CADPS: variants seen among roughly 807,000 people sequenced by gnomAD.
CADPS encodes the protein calcium-dependent secretion activator 1.
Under a neutral mutation model 167.3 loss-of-function variants are expected in CADPS, and 57 were observed. The observed-to-expected ratio is 0.34, with a 90% confidence interval of 0.28 to 0.42. The LOEUF is 0.42. Among genes scored for constraint, CADPS ranks in the 20% least tolerant of loss-of-function variants. The probability of loss-of-function intolerance (pLI) is 1.00; values close to 1 mark genes in which losing one functional copy is unlikely to be tolerated. For synonymous variants in CADPS, 676 were observed against 635.3 expected (o/e 1.06, Z -0.96); for missense variants, 1,414 against 1,738.1 (o/e 0.81, Z 3.32).
At chr3:62,603,409 C>T (rs1332581739) in intron 6 of CADPS, among the ~76,000 whole-genome samples, 4 of 152,194 alleles carry the variant, frequency 2.6e-5, no homozygotes, top group African/African-American at 9.7e-5. Context: ...TTGTTATATT[C>T]CAGTTGTTTA....
At chr3:62,583,480 T>C (rs1406391161) in intron 8 of CADPS, among the ~76,000 whole-genome samples, 1 of 152,128 alleles carries the variant, frequency 6.6e-6, no homozygotes, top group Non-Finnish European at 1.5e-5. Context: ...GAAGAAAACC[T>C]GGTTGTACTT....
chr3:62,801,764 G>T (rs995437796), intron 1 of CADPS, among the ~76,000 whole-genome samples: 1 of 150,834 alleles, frequency 6.6e-6, no homozygotes, highest in Non-Finnish European at 1.5e-5. Context: ...TAAAAAAAAA[G>T]GCCCAGCTGA....
intron 6 of CADPS, among the ~76,000 whole-genome samples, chr3:62,617,948 C>T (rs1342828782): frequency 6.6e-6 from 1 of 152,124 alleles, no homozygotes; most frequent in Non-Finnish European, 1.5e-5. Flanking sequence ...TTTGGGACTA[C>T]CTCTCCTTGA....
intron 21 of CADPS, among the ~76,000 whole-genome samples, chr3:62,482,367 A>T (rs1445482762): frequency 6.6e-6 from 1 of 152,204 alleles, no homozygotes; most frequent in Non-Finnish European, 1.5e-5. Flanking sequence ...AAGTTCACCC[A>T]CTTGGAGGCA....
intron 27 of CADPS, among the ~76,000 whole-genome samples, chr3:62,444,362 C>T (rs2056864943): frequency 6.6e-6 from 1 of 152,140 alleles, no homozygotes; most frequent in Non-Finnish European, 1.5e-5. Flanking sequence ...CTAATAAGTG[C>T]CAGGTATGGT....
At position 62,455,085 on chromosome 3, in the gene CADPS, G is replaced by T. The variant is rs939703164; in HGVS notation, c.3637-9288C>A. Reference sequence around the variant, plus strand: ...CATCTCCTGTTGTTCAGGGTACTGTGCTCCGAGACTAGATCCAGGAAGTGT... The same window carrying T: ...CATCTCCTGTTGTTCAGGGTACTGTTCTCCGAGACTAGATCCAGGAAGTGT... On this transcript the variant is annotated intron_variant, in intron 26 of 29. Coordinates refer to ENST00000383710, the MANE Select transcript of CADPS (RefSeq NM_003716.4). The surrounding 1 kb of genome is among the most constrained non-coding windows in gnomAD (Gnocchi z 4.4). Among the ~76,000 whole-genome samples, 4 of 151,860 alleles carry T rather than the reference G, an allele frequency of 2.6e-5. No homozygotes were observed. Among genetic ancestry groups the T allele is most frequent in the African/African-American group, 7.3e-5 (3 of 41,338 alleles).
chr3:62,626,388 C>A, intron 6 of CADPS: 1 of 556,788 alleles, frequency 1.8e-6, no homozygotes, highest in South Asian at 2.4e-5. Flanking sequence ...GAAAAACACC[C>A]AAAAGGATGA....
chr3:62,803,958 A>C (rs11130900), intron 1 of CADPS, among the ~76,000 whole-genome samples: 108,012 of 151,720 alleles, frequency 0.71, 39,714 homozygotes, highest in East Asian at 0.98. Flanking sequence ...CCTTTCCCAC[A>C]TTTCTTTTGG....
Position 62,545,290 on chromosome 3 carries a change from C to T in CADPS, c.1966+4613G>A, listed in dbSNP as rs1261124271. Among the ~76,000 whole-genome samples, 4 of 152,180 alleles carry T rather than the reference C, an allele frequency of 2.6e-5. No homozygotes were observed. The East Asian group carries it at 7.7e-4, about 29-fold the overall frequency. On this transcript the variant is annotated intron_variant, in intron 11 of 29. Coordinates refer to ENST00000383710, the MANE Select transcript of CADPS (RefSeq NM_003716.4). The stretch of plus-strand genomic sequence containing the variant: ...TGAGGTACTAATTTTTACTGTTCCA[C>T]TAACACATAATGGACAGGGGATAAG...
intron 26 of CADPS, among the ~76,000 whole-genome samples, chr3:62,453,683 T>C (rs1040283952): frequency 6.6e-6 from 1 of 152,224 alleles, no homozygotes; most frequent in Non-Finnish European, 1.5e-5. Flanking sequence ...GGCTTCTGCC[T>C]GGGGCCAAGT....
intron 1 of CADPS, among the ~76,000 whole-genome samples, chr3:62,826,542 G>A (rs2074070908): frequency 1.3e-5 from 2 of 152,090 alleles, no homozygotes; most frequent in African/African-American, 4.8e-5. Flanking sequence ...TGGTAAGAAG[G>A]GCAGAAAGTG....
At chr3:62,850,639 T>C (rs911496359) in intron 1 of CADPS, among the ~76,000 whole-genome samples, 1 of 150,106 alleles carries the variant, frequency 6.7e-6, no homozygotes, top group Non-Finnish European at 1.5e-5. Flanking sequence ...GTCTGAGAGA[T>C]AGTTTGTTAT....
chr3:62,516,336 A>G (rs1388300349), intron 15 of CADPS, among the ~76,000 whole-genome samples, 154 bp from the exon 16 acceptor site: 2 of 152,204 alleles, frequency 1.3e-5, no homozygotes, highest in South Asian at 2.1e-4. Context: ...ATTGCAAAGC[A>G]TTGGCAAAGG....
chr3:62,850,552 A>G (rs1263677916), intron 1 of CADPS, among the ~76,000 whole-genome samples: 3 of 129,858 alleles, frequency 2.3e-5, no homozygotes, highest in Admixed American at 7.8e-5. Context: ...ATTCAGGAGC[A>G]GGTTGTTCAG....
intron 21 of CADPS, among the ~76,000 whole-genome samples, chr3:62,486,359 C>T (rs954427378): frequency 6.7e-6 from 1 of 149,054 alleles, no homozygotes; most frequent in African/African-American, 2.5e-5. Context: ...GCAGGAGAAT[C>T]GCTTGAACCC....
In CADPS at chr3:62,493,620, T is replaced by C. The variant is rs1482837030; in HGVS notation, c.2727+25A>G. 4 of 1,548,834 alleles carry C rather than the reference T, an allele frequency of 2.6e-6. No individual in the cohort carries two copies. In the Admixed American group the frequency reaches 7.8e-5, roughly 30 times the overall value. On this transcript the variant is annotated intron_variant, in intron 19 of 29. Coordinates refer to ENST00000383710, the MANE Select transcript of CADPS (RefSeq NM_003716.4). ...GCAGAATAGGGGTCCACCTCTCTTCTTTCACGAGATTTCACTTTACTTACT... is the reference window on the plus strand; with the variant it reads ...GCAGAATAGGGGTCCACCTCTCTTCCTTCACGAGATTTCACTTTACTTACT...
intron 26 of CADPS, among the ~76,000 whole-genome samples, chr3:62,457,136 T>C (rs1039553271): frequency 7.9e-5 from 12 of 152,214 alleles, no homozygotes; most frequent in African/African-American, 2.9e-4. Context: ...TGCTCAGTGA[T>C]AGAACTACAC....
chr3:62,683,022 C>T (rs1580346382), intron 3 of CADPS, among the ~76,000 whole-genome samples: 3 of 151,968 alleles, frequency 2.0e-5, no homozygotes, highest in East Asian at 3.9e-4. Context: ...GTCTCAATGG[C>T]CTGTGGCCAG....
rs965276965 is a variant in CADPS, at chr3:62,492,389, A to C, written c.2785T>G (p.Phe929Val). 9.9e-6 allele frequency: 16 copies of C among 1,614,146 alleles called. No individual in the cohort carries two copies. Among genetic ancestry groups the C allele is most frequent in the Non-Finnish European group, 1.2e-5 (14 of 1,179,960 alleles). Residue 929 changes from phenylalanine (F) to valine (V), a missense_variant, in exon 20 of 30, where the codon TTT becomes GTT. Physicochemically the swap from Phe to Val is conservative, Grantham distance 50. Coordinates refer to ENST00000383710, the MANE Select transcript of CADPS (RefSeq NM_003716.4). ...VEHAETFLSL[F>V]AVDMDAALEV... ...AAGGCTGCATCCATGTCTACTGCAAAGAGTGACAGGAACGTCTCCGCATGC... is the reference window on the plus strand; with the variant it reads ...AAGGCTGCATCCATGTCTACTGCAACGAGTGACAGGAACGTCTCCGCATGC...
Sources: gnomAD v4.1 joint callset for allele counts (sites outside exome capture counted in the v4.1 genomes callset) on GRCh38, gnomAD v4.1.1 for gene constraint, Gnocchi (gnomAD v3.1) non-coding constraint, MANE v1.5 for transcripts, NCBI Gene and HGNC (gene_info 2026-07-23, HGNC 2026-07-21) for gene names.